The following TMEM255B variants were observed in gnomAD, a reference collection of about 807,000 sequenced individuals.
The protein encoded by TMEM255B is transmembrane protein 255B, also known as family with sequence similarity 70, member B.
A neutral mutation model predicts 34.5 loss-of-function variants in TMEM255B; 35 were observed. That is an observed-to-expected ratio of 1.01 (90% confidence interval 0.77 to 1.34). The LOEUF (loss-of-function observed/expected upper bound fraction) is 1.34. Among genes scored for constraint, TMEM255B ranks in the 40% most tolerant of loss-of-function variants. The pLI is 0.00. For synonymous variants in TMEM255B, 206 were observed against 201.2 expected (o/e 1.02, Z -0.20); for missense variants, 432 against 433.2 (o/e 1.00, Z 0.02).
intron 7 of TMEM255B, among the ~76,000 whole-genome samples, chr13:113,802,408 C>G (rs1042448138): frequency 6.6e-6 from 1 of 152,212 alleles, no homozygotes; most frequent in Admixed American, 6.5e-5. Flanking sequence ...TGGTGTGCGG[C>G]CAGCAAACCC....
chr13:113,775,640 C>T (rs545068086), intron 3 of TMEM255B, among the ~76,000 whole-genome samples: 3 of 152,248 alleles, frequency 2.0e-5, no homozygotes, highest in Non-Finnish European at 4.4e-5. Context: ...CCATCCAACC[C>T]TGGATCCCAC....
At chr13:113,800,117 G>C in intron 5 of TMEM255B, 1 of 1,134,762 alleles carries the variant, frequency 8.8e-7, no homozygotes, top group East Asian at 6.6e-5. Context: ...GGCAGGAGGC[G>C]TCCCGTGTGT....
chr13:113,804,606 G>C (rs1419320961), intron 7 of TMEM255B, among the ~76,000 whole-genome samples: 1 of 150,740 alleles, frequency 6.6e-6, no homozygotes, highest in East Asian at 1.9e-4. Flanking sequence ...AACGCACGCC[G>C]GGCCGGGGTT....
At chr13:113,784,534 A>G (rs1278655153) in intron 3 of TMEM255B, among the ~76,000 whole-genome samples, 2 of 152,044 alleles carry the variant, frequency 1.3e-5, no homozygotes, top group African/African-American at 4.8e-5. Context: ...AAGGATATGA[A>G]GAGGAAGAAG....
At chr13:113,782,710 G>A (rs1316939784) in intron 3 of TMEM255B, among the ~76,000 whole-genome samples, 2 of 152,266 alleles carry the variant, frequency 1.3e-5, no homozygotes, top group South Asian at 2.1e-4. Flanking sequence ...ACCTGAACGG[G>A]GAAGGTGTCC....
At chr13:113,768,028 CACAG>C (rs1196434771) in intron 2 of TMEM255B, 4 of 359,202 alleles carry the variant, frequency 1.1e-5, no homozygotes, top group African/African-American at 6.4e-5. Flanking sequence ...ACCACAGACA[CACAG>C]ACAATTACAG....
At chr13:113,807,421 G>A (rs113888664) in intron 8 of TMEM255B, among the ~76,000 whole-genome samples, 40 of 141,576 alleles carry the variant, frequency 2.8e-4, no homozygotes, top group African/African-American at 9.5e-4. Context: ...CGGGATGTGG[G>A]GGGTGGTCCT....
At chr13:113,799,890 C>G (rs959234088) in intron 5 of TMEM255B, 2 of 1,153,564 alleles carry the variant, frequency 1.7e-6, no homozygotes, top group Non-Finnish European at 2.4e-6. Flanking sequence ...GGGCACAGCT[C>G]TGTGACGGCG....
Position 113,800,244 on chromosome 13 carries a change from ATCCTGTGTGTGTGTGTGTGGAGGTG to A in TMEM255B, c.424-566_424-542del, listed in dbSNP as rs1289156317. Among the ~76,000 whole-genome samples the A allele has an allele frequency of 1.2e-3, 120 of 97,320 alleles. 1 individual carries two copies. The highest frequency in any genetic ancestry group is 1.7e-3 in the Non-Finnish European group (85 of 51,086). 63.8% of individuals were successfully genotyped at this position (97,320 alleles called of 152,430 possible). Reference sequence around the variant, plus strand: ...CCATGTGTGTATGTGGGGGGGAGGCATCCTGTGTGTGTGTGTGTGGAGGTGTCCTGTGTGTGTGTGTCAGGGGAGG... The same window carrying A: ...CCATGTGTGTATGTGGGGGGGAGGCATCCTGTGTGTGTGTGTCAGGGGAGG... On this transcript the variant is annotated intron_variant, in intron 5 of 8. Transcript: ENST00000375353.
chr13:113,769,171 A>G lies in TMEM255B; in HGVS notation c.252+11A>G. ...AATAGAAGGCAAATGGTAAGAAAGTACATGGGGTGGTGGGGAGCATGAGTC... is the reference window on the plus strand; with the variant it reads ...AATAGAAGGCAAATGGTAAGAAAGTGCATGGGGTGGTGGGGAGCATGAGTC... On this transcript the variant is annotated intron_variant, in intron 3 of 8. Coordinates refer to ENST00000375353, the MANE Select transcript of TMEM255B (RefSeq NM_182614.4). The surrounding 1 kb of genome is among the most constrained non-coding windows in gnomAD (Gnocchi z 4.2). The G allele has an allele frequency of 6.2e-7, 1 of 1,614,040 alleles. No individual in the cohort carries two copies.
At chr13:113,779,314 G>A (rs779160082) in intron 3 of TMEM255B, among the ~76,000 whole-genome samples, 1 of 152,202 alleles carries the variant, frequency 6.6e-6, no homozygotes, top group Non-Finnish European at 1.5e-5. Flanking sequence ...TGAAAAGGAC[G>A]AGGGGTGATG....
intron 3 of TMEM255B, among the ~76,000 whole-genome samples, chr13:113,788,889 C>A (rs1039929465): frequency 7.9e-5 from 12 of 152,074 alleles, no homozygotes; most frequent in African/African-American, 2.4e-4. Flanking sequence ...GCCGCGCCTC[C>A]CTCCCTCCCT....
At chr13:113,790,060 A>T (rs543010571) in intron 3 of TMEM255B, among the ~76,000 whole-genome samples, 5 of 151,278 alleles carry the variant, frequency 3.3e-5, no homozygotes, top group East Asian at 3.9e-4. Flanking sequence ...GCACGTGGAC[A>T]TCCTAGTGCT....
At chr13:113,787,344 A>T (rs1484598761) in intron 3 of TMEM255B, among the ~76,000 whole-genome samples, 2 of 152,244 alleles carry the variant, frequency 1.3e-5, no homozygotes, top group African/African-American at 2.4e-5. Context: ...TTAAGTTGGA[A>T]AACAGTTTTT....
rs561206386 is a variant in TMEM255B, at chr13:113,816,731, A to C, written c.*4828A>C. The C allele has an allele frequency of 5.3e-5, 8 of 152,338 alleles. No homozygotes were observed. Among genetic ancestry groups the C allele is most frequent in the East Asian group, 1.9e-4 (1 of 5,184 alleles). The allele number at this position is 152,338 out of a possible 1,614,324, so 9.4% of individuals were successfully genotyped here. ...CCCGTCAGCAGATCCTCAGACGGCG[A>C]CACGCGCCACTTCCTTTTCTGTTTC... is the stretch of plus-strand genomic sequence containing the variant. On this transcript the variant is annotated 3_prime_UTR_variant, in exon 9 of 9. Coordinates refer to ENST00000375353, the MANE Select transcript of TMEM255B (RefSeq NM_182614.4).
Position 113,802,838 on chromosome 13 carries a change from G to A in TMEM255B, c.669+1026G>A, listed in dbSNP as rs938772962. Among the ~76,000 whole-genome samples, 85 of 148,318 alleles carry A rather than the reference G, an allele frequency of 5.7e-4. 6 individuals are homozygous for A. The highest frequency in any genetic ancestry group is 1.9e-3 in the African/African-American group (79 of 40,744). On this transcript the variant is annotated intron_variant, in intron 7 of 8. Transcript: ENST00000375353. ...CAAGCCCCACCCTGGGCCCCCAGACGCCCGCACACCAACACAAGACAGGCA... is the reference window on the plus strand; with the variant it reads ...CAAGCCCCACCCTGGGCCCCCAGACACCCGCACACCAACACAAGACAGGCA...
At chr13:113,800,299 CTCTGTGTGTGTG>C (rs2051026208) in intron 5 of TMEM255B, among the ~76,000 whole-genome samples, 1 of 62,644 alleles carries the variant, frequency 1.6e-5, no homozygotes, top group Non-Finnish European at 3.1e-5. Flanking sequence ...GGGAGGCGTC[CTCTGTGTGTGTG>C]TGTGTGTGTG....
At chr13:113,771,305 G>A (rs544249166) in intron 3 of TMEM255B, among the ~76,000 whole-genome samples, 5 of 152,286 alleles carry the variant, frequency 3.3e-5, no homozygotes, top group South Asian at 2.1e-4. Flanking sequence ...TGTTATGTGC[G>A]GTCTCTGTGT....
intron 6 of TMEM255B, among the ~76,000 whole-genome samples, chr13:113,801,346 G>T: frequency 6.6e-6 from 1 of 152,342 alleles, no homozygotes; most frequent in African/African-American, 2.4e-5. Flanking sequence ...CCATCCTGGC[G>T]TGAAGACAGA....
Sources: allele counts gnomAD v4.1 joint callset (sites outside exome capture counted in the v4.1 genomes callset), GRCh38; gene constraint gnomAD v4.1.1; non-coding constraint Gnocchi (gnomAD v3.1); transcripts MANE v1.5; gene names NCBI Gene and HGNC (gene_info 2026-07-23, HGNC 2026-07-21).